Variants in PDGFD observed in about 807,000 individuals in gnomAD.
PDGFD encodes platelet-derived growth factor D.
Under a neutral mutation model 44.7 loss-of-function variants are expected in PDGFD, and 30 were observed. The observed-to-expected ratio is 0.67, with a 90% confidence interval of 0.50 to 0.91. The LOEUF (loss-of-function observed/expected upper bound fraction) is 0.91, where lower values mean the gene tolerates loss of function less well. PDGFD is among the 40% of genes least tolerant of loss of function. The pLI is 0.00. For missense variants in PDGFD, 445 were observed against 457.8 expected, an observed-to-expected ratio of 0.97 and a Z score of 0.25; for synonymous variants, 173 against 168.4, an observed-to-expected ratio of 1.03 and a Z score of -0.21.
At chr11:104,153,259 G>A (rs945123301) in intron 1 of PDGFD, among the ~76,000 whole-genome samples, 6 of 152,106 alleles carry the variant, frequency 3.9e-5, no homozygotes, top group African/African-American at 1.2e-4. Flanking sequence ...GAGGGCTCAT[G>A]TGGCCTAAAG....
chr11:103,926,881 C>T, intron 6 of PDGFD, 31 bp downstream of exon 6: 2 of 1,586,182 alleles, frequency 1.3e-6, no homozygotes, highest in Non-Finnish European at 1.7e-6. Context: ...ATAGATTAAG[C>T]ATTGCAACAA....
chr11:104,052,868 T>C (rs566395053), intron 1 of PDGFD, among the ~76,000 whole-genome samples: 13 of 151,848 alleles, frequency 8.6e-5, no homozygotes, highest in African/African-American at 3.1e-4. Context: ...GTAACTTCTT[T>C]CCCTCTCTCA....
At chr11:104,145,928 C>G (rs980517074) in intron 1 of PDGFD, among the ~76,000 whole-genome samples, 2 of 152,178 alleles carry the variant, frequency 1.3e-5, no homozygotes, top group African/African-American at 4.8e-5. Context: ...TGTGAAGACA[C>G]AGTAAGATGG....
chr11:104,012,849 C>T (rs1859803725), intron 1 of PDGFD, among the ~76,000 whole-genome samples: 1 of 152,158 alleles, frequency 6.6e-6, no homozygotes, highest in South Asian at 2.1e-4. Flanking sequence ...TGAAGAATGG[C>T]CTAAGAAAAC....
At chr11:104,057,170 G>A (rs879410775) in intron 1 of PDGFD, among the ~76,000 whole-genome samples, 2 of 152,116 alleles carry the variant, frequency 1.3e-5, no homozygotes, top group Non-Finnish European at 2.9e-5. Context: ...TCTTAAGAAT[G>A]AGTTTGACAA....
chr11:103,933,625 A>G (rs1858440721), intron 5 of PDGFD, among the ~76,000 whole-genome samples: 1 of 152,226 alleles, frequency 6.6e-6, no homozygotes. Context: ...AGCATTGTGA[A>G]GCAACGAGTG....
chr11:103,982,494 T>C (rs924427920), intron 3 of PDGFD, among the ~76,000 whole-genome samples: 9 of 151,694 alleles, frequency 5.9e-5, no homozygotes, highest in Non-Finnish European at 1.2e-4. Flanking sequence ...AAATGTACTT[T>C]GAAAAGCAGC....
chr11:104,122,607 G>A (rs1338653848), intron 1 of PDGFD, among the ~76,000 whole-genome samples: 1 of 151,902 alleles, frequency 6.6e-6, no homozygotes, highest in East Asian at 1.9e-4. Flanking sequence ...CACTCTTTAT[G>A]TGTCCATGTC....
At chr11:104,100,719 G>A (rs1320923531) in intron 1 of PDGFD, among the ~76,000 whole-genome samples, 3 of 152,036 alleles carry the variant, frequency 2.0e-5, no homozygotes, top group Non-Finnish European at 2.9e-5. Flanking sequence ...CTGGCAAACC[G>A]AATCCAGCAG....
At chr11:104,034,530 AC>A (rs769937420) in intron 1 of PDGFD, among the ~76,000 whole-genome samples, 3 of 152,046 alleles carry the variant, frequency 2.0e-5, no homozygotes, top group Admixed American at 6.6e-5. Flanking sequence ...CCTTCTAACA[AC>A]CCTTCAAAGA....
chr11:103,933,812 G>A (rs750758744), intron 5 of PDGFD, among the ~76,000 whole-genome samples: 3 of 152,156 alleles, frequency 2.0e-5, no homozygotes, highest in South Asian at 2.1e-4. Flanking sequence ...GCCACTGGAC[G>A]TAAGTAGATA....
chr11:104,132,979 T>C (rs986252310), intron 1 of PDGFD, among the ~76,000 whole-genome samples: 4 of 152,248 alleles, frequency 2.6e-5, no homozygotes, highest in African/African-American at 9.6e-5. Flanking sequence ...CTTGCTTACA[T>C]AAAAATCAGA....
chr11:103,987,225 T>G (rs1287977665), intron 3 of PDGFD, among the ~76,000 whole-genome samples: 1 of 152,170 alleles, frequency 6.6e-6, no homozygotes, highest in Non-Finnish European at 1.5e-5. Context: ...ATAAATTGGC[T>G]CTGTCAAAGC....
intron 5 of PDGFD, among the ~76,000 whole-genome samples, chr11:103,936,019 C>A (rs899209615): frequency 5.3e-5 from 8 of 152,086 alleles, no homozygotes; most frequent in African/African-American, 1.9e-4. Flanking sequence ...TTATGCCAAA[C>A]AATTTTAATA....
At chr11:104,002,767 TATTA>T (rs771070421) in intron 1 of PDGFD, among the ~76,000 whole-genome samples, 46 of 152,340 alleles carry the variant, frequency 3.0e-4, no homozygotes, top group African/African-American at 6.7e-4. Flanking sequence ...CCTCTAGTGC[TATTA>T]ATTATTTATT....
Position 103,996,147 on chromosome 11 carries a change from C to T in PDGFD, c.428G>A (p.Arg143Lys). 1 of 1,613,730 alleles carries T rather than the reference C, an allele frequency of 6.2e-7. No individual in the cohort carries two copies. Among genetic ancestry groups the T allele is most frequent in the East Asian group, 2.2e-5 (1 of 44,800 alleles). Residue 143 changes from arginine to lysine, a missense_variant, in exon 3 of 7, where the codon AGA (arginine) becomes AAA (lysine). By Grantham distance (26) the Arg-to-Lys change is conservative (BLOSUM62 2). Coordinates refer to ENST00000393158, the MANE Select transcript of PDGFD (RefSeq NM_025208.5). ...GAATGTGATTTTAATTTGGTTCGTT[C>T]TTGATTTTATCCTTGGAGGAACTTC... ...HKEVPPRIKS[R>K]TNQIKITFKS... is the part of the protein sequence containing the mutation.
chr11:104,011,818 A>T (rs978977424), intron 1 of PDGFD, among the ~76,000 whole-genome samples: 10 of 152,088 alleles, frequency 6.6e-5, no homozygotes, highest in African/African-American at 1.7e-4. Context: ...TAAATATACT[A>T]AAAAAATGAA....
At position 104,120,522 on chromosome 11, in the gene PDGFD, G is replaced by A. The variant is rs141631480; in HGVS notation, c.124+43282C>T. Among the ~76,000 whole-genome samples, 641 of 151,700 alleles carry A rather than the reference G, an allele frequency of 4.2e-3. 6 individuals carry two copies. Among genetic ancestry groups the A allele is most frequent in the African/African-American group, 0.015 (606 of 41,418 alleles). On this transcript the variant is annotated intron_variant, in intron 1 of 6. Coordinates refer to ENST00000393158, the MANE Select transcript of PDGFD (RefSeq NM_025208.5). ...CGGCCTTCGATCATTTATCCTTTTT[G>A]TTATTCAATATTATCTTTTAATATT...
chr11:103,996,156 A>C lies in PDGFD; in HGVS notation c.419T>G (p.Ile140Arg). The C allele has an allele frequency of 6.2e-7, 1 of 1,613,756 alleles. No individual in the cohort carries two copies. Among genetic ancestry groups the C allele is most frequent in the South Asian group, 1.1e-5 (1 of 91,062 alleles). Residue 140 changes from isoleucine (I) to arginine (R), a missense_variant, in exon 3 of 7, where the codon ATA (isoleucine) becomes AGA (arginine). By Grantham distance (97) the Ile-to-Arg change is moderately conservative. Transcript: ENST00000393158. The stretch of plus-strand genomic sequence containing the variant: ...TTTAATTTGGTTCGTTCTTGATTTT[A>C]TCCTTGGAGGAACTTCCTTGTGTCC... ...WCGHKEVPPR[I>R]KSRTNQIKIT...
Sources: allele counts gnomAD v4.1 joint callset (sites outside exome capture counted in the v4.1 genomes callset), GRCh38; gene constraint gnomAD v4.1.1; transcripts MANE v1.5; gene names NCBI Gene and HGNC (gene_info 2026-07-23, HGNC 2026-07-21).